The following C14orf132 variants were observed in gnomAD, a reference collection of about 807,000 sequenced individuals.
C14orf132 encodes chromosome 14 open reading frame 132, also known as uncharacterized protein C14orf132.
In C14orf132, 6 loss-of-function variants were observed where a neutral mutation model predicts 5.8. The observed-to-expected ratio is 1.03, with a 90% CI of 0.57 to 2.04. The LOEUF (loss-of-function observed/expected upper bound fraction) is 2.04, where lower values mean the gene tolerates loss of function less well. Ranked by LOEUF, C14orf132 falls within the 30% of genes most tolerant of loss-of-function variation. C14orf132 has a pLI of 0.00. For synonymous variants in C14orf132, 51 were observed against 49.8 expected (o/e 1.02, Z -0.10); for missense variants, 125 against 115.8 (o/e 1.08, Z -0.37).
intron 1 of C14orf132, among the ~76,000 whole-genome samples, chr14:96,068,863 T>G (rs574664006): frequency 3.3e-5 from 5 of 152,132 alleles, no homozygotes; most frequent in African/African-American, 9.6e-5. Context: ...GAGGTTAGCA[T>G]TTCAATCTAT....
chr14:96,040,990 G>A (rs1391909306), intron 1 of C14orf132, among the ~76,000 whole-genome samples: 1 of 152,226 alleles, frequency 6.6e-6, no homozygotes, highest in Non-Finnish European at 1.5e-5. Context: ...GCTGGCTGGA[G>A]CATCAGTTGC....
chr14:96,083,680 C>T (rs1484773372), intron 1 of C14orf132, among the ~76,000 whole-genome samples: 1 of 152,204 alleles, frequency 6.6e-6, no homozygotes, highest in East Asian at 1.9e-4. Flanking sequence ...ACAGATTGTC[C>T]CCTAGAGCCT....
At chr14:96,072,809 C>A (rs1445238225) in intron 1 of C14orf132, among the ~76,000 whole-genome samples, 1 of 152,192 alleles carries the variant, frequency 6.6e-6, no homozygotes, top group South Asian at 2.1e-4. Flanking sequence ...TTGCGGACAT[C>A]AATAACCTGT....
At position 96,048,130 on chromosome 14, in the gene C14orf132, T is replaced by C. The variant is rs141398951; in HGVS notation, c.27+8603T>C. On this transcript the variant is annotated intron_variant, in intron 1 of 1. Coordinates refer to ENST00000555004, the MANE Select transcript of C14orf132 (RefSeq NM_001252507.3). ...TTGAACCTGGGAGGCAGAGGTTGCA[T>C]TGAGCTGAGATCGAGCCATTGCACT... is the stretch of plus-strand genomic sequence containing the variant. Among the ~76,000 whole-genome samples, 93 of 152,120 alleles carry C rather than the reference T, an allele frequency of 6.1e-4. No homozygotes were observed. The East Asian group carries it at 8.3e-3, about 14-fold the overall frequency.
At chr14:96,060,211 G>A (rs1479013891) in intron 1 of C14orf132, among the ~76,000 whole-genome samples, 1 of 152,162 alleles carries the variant, frequency 6.6e-6, no homozygotes, top group Non-Finnish European at 1.5e-5. Context: ...GCTGGTTCTT[G>A]TGTGGCTCCC....
intron 1 of C14orf132, among the ~76,000 whole-genome samples, chr14:96,083,892 C>A (rs550189713): frequency 6.6e-6 from 1 of 152,314 alleles, no homozygotes; most frequent in Admixed American, 6.5e-5. Flanking sequence ...GAGGGCATCA[C>A]CCTGACCCGT....
intron 1 of C14orf132, among the ~76,000 whole-genome samples, chr14:96,053,817 G>A (rs891331505): frequency 9.9e-5 from 15 of 152,152 alleles, no homozygotes; most frequent in Non-Finnish European, 1.6e-4. Context: ...GGAGGGATGT[G>A]GTCCCACCCA....
intron 1 of C14orf132, among the ~76,000 whole-genome samples, chr14:96,081,527 C>T (rs1458051101): frequency 6.6e-6 from 1 of 152,226 alleles, no homozygotes; most frequent in Non-Finnish European, 1.5e-5. Context: ...TACTGTGATA[C>T]TGTGGAAGAG....
intron 1 of C14orf132, among the ~76,000 whole-genome samples, chr14:96,076,885 G>A (rs1246810143): frequency 1.3e-5 from 2 of 152,156 alleles, no homozygotes; most frequent in African/African-American, 4.8e-5. Flanking sequence ...AGTTTCCCTT[G>A]AGACTTCCCT....
chr14:96,072,266 T>C (rs904635749), intron 1 of C14orf132, among the ~76,000 whole-genome samples: 1 of 152,202 alleles, frequency 6.6e-6, no homozygotes, highest in African/African-American at 2.4e-5. Context: ...ACCTTTGTCA[T>C]ATATGCAGTA....
chr14:96,076,492 A>G (rs1422502230), intron 1 of C14orf132, among the ~76,000 whole-genome samples: 2 of 152,018 alleles, frequency 1.3e-5, no homozygotes, highest in Non-Finnish European at 2.9e-5. Context: ...CCCTCTTCCT[A>G]ATTTCTTAAG....
chr14:96,043,132 T>A (rs566984426), intron 1 of C14orf132, among the ~76,000 whole-genome samples: 1 of 152,280 alleles, frequency 6.6e-6, no homozygotes, highest in East Asian at 1.9e-4. Flanking sequence ...TCTGGGACTG[T>A]CCTTGGTGAA....
At chr14:96,072,403 G>T (rs1274452751) in intron 1 of C14orf132, among the ~76,000 whole-genome samples, 1 of 152,194 alleles carries the variant, frequency 6.6e-6, no homozygotes, top group African/African-American at 2.4e-5. Flanking sequence ...CCTCCCAGGG[G>T]CCCTGAGGAC....
intron 1 of C14orf132, chr14:96,040,261 C>T: frequency 2.5e-6 from 1 of 397,932 alleles, no homozygotes; most frequent in African/African-American, 2.1e-5. Flanking sequence ...TGTGCCTTAA[C>T]TCTCTTGAGC....
chr14:96,058,948 A>G (rs1887264138), intron 1 of C14orf132, among the ~76,000 whole-genome samples: 1 of 152,184 alleles, frequency 6.6e-6, no homozygotes, highest in African/African-American at 2.4e-5. Context: ...CTGTTTGCAT[A>G]TTTGAAGAGG....
rs79475789 is a variant in C14orf132 at position 96,080,821 on chromosome 14, C to T, written c.28-5690C>T. ...CATGCTACATGGTGCCCCGACACTG[C>T]GGGGCAGGGACCCCAAGCCTGGGGC... On this transcript the variant is annotated intron_variant, in intron 1 of 1. Coordinates refer to ENST00000555004, the MANE Select transcript of C14orf132 (RefSeq NM_001252507.3). 3.9e-5 allele frequency among the ~76,000 whole-genome samples: 6 copies of T among 152,260 alleles called. No individual in the cohort carries two copies. The East Asian group carries it at 5.8e-4, about 15-fold the overall frequency.
At chr14:96,058,166 G>T (rs764961615) in intron 1 of C14orf132, among the ~76,000 whole-genome samples, 5 of 151,958 alleles carry the variant, frequency 3.3e-5, no homozygotes, top group Non-Finnish European at 5.9e-5. Flanking sequence ...CTCAGCTCAG[G>T]GTCTCCACTC....
In C14orf132 at chr14:96,086,617, AG is replaced by A; in HGVS notation, c.137del (p.Gly46AlafsTer21). 6.5e-7 allele frequency: 1 copy of A among 1,536,166 alleles called. No individual in the cohort carries two copies. The highest frequency in any genetic ancestry group is 8.7e-7 in the Non-Finnish European group (1 of 1,146,916). On this transcript the variant is annotated frameshift_variant, in exon 2 of 2. Coordinates refer to ENST00000555004, the MANE Select transcript of C14orf132 (RefSeq NM_001252507.3). LOFTEE classifies it high-confidence loss of function. Reference protein sequence around the residue: ...SANVHAAANGQGQPEDPPRSS... With the variant: ...SANVHAAANGXGQPEDPPRSS... Reference sequence around the variant, plus strand: ...AATGTCCACGCGGCTGCCAATGGCCAGGGCCAGCCGGAAGATCCTCCTCGGT... The same window carrying A: ...AATGTCCACGCGGCTGCCAATGGCCAGGCCAGCCGGAAGATCCTCCTCGGT...
At chr14:96,043,283 T>A (rs542777173) in intron 1 of C14orf132, among the ~76,000 whole-genome samples, 2 of 152,218 alleles carry the variant, frequency 1.3e-5, no homozygotes, top group South Asian at 4.2e-4. Context: ...ATCCAAGAAG[T>A]GCAGTGACAC....
Sources: allele counts gnomAD v4.1 joint callset (sites outside exome capture counted in the v4.1 genomes callset), GRCh38; gene constraint gnomAD v4.1.1; transcripts MANE v1.5; gene names NCBI Gene and HGNC (gene_info 2026-07-23, HGNC 2026-07-21).